Variants in NHSL1 observed in about 807,000 individuals in gnomAD.
The protein encoded by NHSL1 is NHS like 1.
NHSL1 carries 48 observed loss-of-function variants against 95.0 expected under a neutral mutation model. The observed-to-expected ratio is 0.51, with a 90% CI of 0.40 to 0.64. The LOEUF (loss-of-function observed/expected upper bound fraction) is 0.64, where lower values mean the gene tolerates loss of function less well. Ranked by LOEUF, NHSL1 falls within the 30% of genes least tolerant of loss-of-function variation. NHSL1 has a pLI of 0.00. For synonymous variants in NHSL1, 783 were observed against 833.9 expected, an observed-to-expected ratio of 0.94 and a Z score of 1.05; for missense variants, 1,971 against 2,077.7, an observed-to-expected ratio of 0.95 and a Z score of 1.00.
Position 138,692,154 on chromosome 6 carries a change from G to A in NHSL1, c.96+322C>T, listed in dbSNP as rs1006373385. Reference sequence around the variant, plus strand: ...TTTCCCACGAACTTGGCTCTCCTCTGTCTACAGCGCCCCGGGGTCTCCCAA... The same window carrying A: ...TTTCCCACGAACTTGGCTCTCCTCTATCTACAGCGCCCCGGGGTCTCCCAA... On this transcript the variant is annotated intron_variant, in intron 1 of 3. Transcript: ENST00000491526. This position sits in a 1 kb window ranked among gnomAD's most constrained non-coding sequence, Gnocchi z 4.0. 2 of 456,528 alleles carry A rather than the reference G, an allele frequency of 4.4e-6. No homozygotes were observed. The highest frequency in any genetic ancestry group is 8.8e-6 in the Non-Finnish European group (2 of 226,984). The allele number at this position is 456,528 out of a possible 1,614,324, so 28.3% of individuals were successfully genotyped here. A position where few individuals can be genotyped will look rare whatever the true frequency, so the allele number is the denominator to read the frequency against.
At chr6:138,434,054 A>G (rs1489803876) in intron 5 of NHSL1, among the ~76,000 whole-genome samples, 1 of 152,194 alleles carries the variant, frequency 6.6e-6, no homozygotes, top group African/African-American at 2.4e-5. Flanking sequence ...TGTGCAGACC[A>G]TCTATCAAGC....
chr6:138,623,955 A>G (rs1041995134), intron 1 of NHSL1, among the ~76,000 whole-genome samples: 4 of 152,164 alleles, frequency 2.6e-5, no homozygotes, highest in African/African-American at 9.6e-5. Flanking sequence ...CCTGTGAAGA[A>G]GGTGCCTGCT....
chr6:138,629,276 G>C (rs899216153), intron 1 of NHSL1, among the ~76,000 whole-genome samples: 1 of 152,170 alleles, frequency 6.6e-6, no homozygotes, highest in Non-Finnish European at 1.5e-5. Flanking sequence ...AGGAAGCAAG[G>C]AATCTTCACT....
intron 1 of NHSL1, among the ~76,000 whole-genome samples, chr6:138,518,890 T>C (rs540594005): frequency 2.1e-4 from 32 of 152,190 alleles, no homozygotes; most frequent in African/African-American, 7.7e-4. Flanking sequence ...TGGTGGTGCA[T>C]GCCTGTAATC....
intron 1 of NHSL1, among the ~76,000 whole-genome samples, chr6:138,651,881 A>G (rs1158105936): frequency 6.6e-6 from 1 of 152,234 alleles, no homozygotes; most frequent in Non-Finnish European, 1.5e-5. Flanking sequence ...TATGTATAAA[A>G]TTATTTCACA....
At chr6:138,666,742 A>G (rs960892129) in intron 1 of NHSL1, among the ~76,000 whole-genome samples, 1 of 152,204 alleles carries the variant, frequency 6.6e-6, no homozygotes, top group African/African-American at 2.4e-5. Context: ...GAATGTATAT[A>G]CGTATATTGA....
At chr6:138,451,505 C>CT (rs1777239198) in intron 3 of NHSL1, among the ~76,000 whole-genome samples, 1 of 152,088 alleles carries the variant, frequency 6.6e-6, no homozygotes, top group Non-Finnish European at 1.5e-5. Flanking sequence ...ATATAAGTTC[C>CT]ATGAAGCTTT....
intron 1 of NHSL1, among the ~76,000 whole-genome samples, chr6:138,509,046 C>T (rs1229909067): frequency 6.6e-6 from 1 of 152,178 alleles, no homozygotes; most frequent in Non-Finnish European, 1.5e-5. Flanking sequence ...TTGATGAACT[C>T]AACTGTAAAG....
chr6:138,454,248 TTC>T (rs1291645116), intron 3 of NHSL1, among the ~76,000 whole-genome samples: 2 of 152,182 alleles, frequency 1.3e-5, no homozygotes, highest in African/African-American at 4.8e-5. Flanking sequence ...AATAGTATTA[TTC>T]TCTTTGTGTT....
At chr6:138,558,172 G>A (rs976641900) in intron 1 of NHSL1, among the ~76,000 whole-genome samples, 4 of 152,042 alleles carry the variant, frequency 2.6e-5, no homozygotes, top group African/African-American at 7.2e-5. Flanking sequence ...GCCCAGGCTG[G>A]AGTGCAGTGG....
intron 1 of NHSL1, among the ~76,000 whole-genome samples, chr6:138,542,819 A>G (rs1206860756): frequency 6.6e-6 from 1 of 152,216 alleles, no homozygotes; most frequent in Admixed American, 6.5e-5. Context: ...GCTAGAGTGC[A>G]GGGGCACAAT....
chr6:138,452,478 GA>G (rs1350033628), intron 3 of NHSL1, among the ~76,000 whole-genome samples: 1 of 152,198 alleles, frequency 6.6e-6, no homozygotes, highest in Non-Finnish European at 1.5e-5. Context: ...GTAAAAGTTA[GA>G]AAACTGAATT....
In NHSL1 at chr6:138,432,476, G is replaced by T; in HGVS notation, c.1869C>A (p.Cys623Ter). The change falls in exon 6 of 8, where the codon TGC becomes TGA. Residue 623 changes from cysteine (C) to a stop codon, truncating the protein, a stop_gained. Transcript: ENST00000343505. LOFTEE classifies it high-confidence loss of function. This position sits in a 1 kb window ranked among gnomAD's most constrained non-coding sequence, Gnocchi z 4.4. Reference sequence around the variant, plus strand: ...GGTTCCCAAAGCCATCACTGCTATTGCACAGATTCCCAGATCCATGTCCAG... The same window carrying T: ...GGTTCCCAAAGCCATCACTGCTATTTCACAGATTCCCAGATCCATGTCCAG... The part of the protein sequence containing the change: ...TDSGHGSGNL[C>*]NSSDGFGNPR... 6.4e-7 allele frequency: 1 copy of T among 1,552,216 alleles called. No individual in the cohort carries two copies. Among genetic ancestry groups the T allele is most frequent in the Non-Finnish European group, 8.7e-7 (1 of 1,147,016 alleles).
intron 1 of NHSL1, among the ~76,000 whole-genome samples, chr6:138,610,378 C>G (rs908808898): frequency 6.6e-6 from 1 of 151,460 alleles, no homozygotes; most frequent in East Asian, 1.9e-4. Context: ...CATCACACAC[C>G]GGGGCCTGTA....
At chr6:138,533,570 A>T (rs1245340259) in intron 1 of NHSL1, among the ~76,000 whole-genome samples, 1 of 152,250 alleles carries the variant, frequency 6.6e-6, no homozygotes, top group Non-Finnish European at 1.5e-5. Flanking sequence ...AAATAAATTT[A>T]AAAAATACAC....
intron 1 of NHSL1, among the ~76,000 whole-genome samples, chr6:138,534,991 G>T: frequency 6.6e-6 from 1 of 152,110 alleles, no homozygotes; most frequent in South Asian, 2.1e-4. Flanking sequence ...GCCTGTGATT[G>T]ATATTTCAAA....
At chr6:138,542,044 C>T (rs1008893754) in intron 1 of NHSL1, among the ~76,000 whole-genome samples, 1 of 152,198 alleles carries the variant, frequency 6.6e-6, no homozygotes, top group Non-Finnish European at 1.5e-5. Flanking sequence ...GAAATATGGT[C>T]TTTGCAGATG....
At chr6:138,628,572 T>C (rs888267869) in intron 1 of NHSL1, among the ~76,000 whole-genome samples, 5 of 152,050 alleles carry the variant, frequency 3.3e-5, no homozygotes. Flanking sequence ...AATTATTCAA[T>C]CATGTGACCA....
At chr6:138,535,289 C>T (rs967564317) in intron 1 of NHSL1, among the ~76,000 whole-genome samples, 11 of 152,036 alleles carry the variant, frequency 7.2e-5, no homozygotes, top group African/African-American at 2.4e-4. Context: ...GTTGGCTGGG[C>T]GCAGTGGCTC....
Sources: gnomAD v4.1 joint callset for allele counts (sites outside exome capture counted in the v4.1 genomes callset) on GRCh38, gnomAD v4.1.1 for gene constraint, Gnocchi (gnomAD v3.1) non-coding constraint, MANE v1.5 for transcripts, NCBI Gene and HGNC (gene_info 2026-07-23, HGNC 2026-07-21) for gene names.